The following SYT1 variants were observed in gnomAD, a reference collection of about 807,000 sequenced individuals.
SYT1 encodes the protein synaptotagmin 1.
Under a neutral mutation model 44.8 loss-of-function variants are expected in SYT1, and 8 were observed. The ratio of observed to expected loss-of-function variants is 0.18; its 90% CI spans 0.10 to 0.32. The LOEUF is 0.32. Among genes scored for constraint, SYT1 ranks in the 10% least tolerant of loss-of-function variants. The pLI, the probability that SYT1 is intolerant of heterozygous loss-of-function variation, is 1.00. For synonymous variants in SYT1, 154 were observed against 188.8 expected (o/e 0.82, Z 1.51); for missense variants, 286 against 509.3 (o/e 0.56, Z 4.22).
intron 10 of SYT1, among the ~76,000 whole-genome samples, chr12:79,448,425 C>G (rs1337365970): frequency 6.6e-6 from 1 of 152,148 alleles, no homozygotes; most frequent in East Asian, 1.9e-4. Flanking sequence ...TGTCCCCCCA[C>G]CCTTAAAATC....
chr12:79,356,651 C>A (rs1226821443), intron 9 of SYT1, among the ~76,000 whole-genome samples: 1 of 152,134 alleles, frequency 6.6e-6, no homozygotes, highest in Admixed American at 6.5e-5. Context: ...TTAATTGGAA[C>A]CAAAGTGGGT....
At chr12:79,142,982 A>G (rs1869651914) in intron 3 of SYT1, among the ~76,000 whole-genome samples, 1 of 152,220 alleles carries the variant, frequency 6.6e-6, no homozygotes, top group Non-Finnish European at 1.5e-5. Context: ...TTGGCAAGTG[A>G]GAAGCAGACA....
intron 2 of SYT1, among the ~76,000 whole-genome samples, chr12:79,037,553 C>T (rs1873213525): frequency 6.6e-6 from 1 of 151,702 alleles, no homozygotes; most frequent in Non-Finnish European, 1.5e-5. Flanking sequence ...TTTGTTCTGT[C>T]ATAATGAGAG....
intron 6 of SYT1, among the ~76,000 whole-genome samples, chr12:79,294,462 G>A (rs1363376366): frequency 6.6e-6 from 1 of 152,042 alleles, no homozygotes; most frequent in African/African-American, 2.4e-5. Context: ...AAAACTAAAA[G>A]ACAACCCTAA....
intron 4 of SYT1, among the ~76,000 whole-genome samples, chr12:79,277,184 A>T (rs1878784922): frequency 6.6e-6 from 1 of 152,320 alleles, no homozygotes; most frequent in East Asian, 1.9e-4. Flanking sequence ...ACAGTATATA[A>T]TTATCAGGTT....
At chr12:78,883,463 T>C (rs945957079) in intron 1 of SYT1, among the ~76,000 whole-genome samples, 6 of 151,728 alleles carry the variant, frequency 4.0e-5, no homozygotes, top group African/African-American at 1.4e-4. Context: ...TTAGATGTAG[T>C]CAAGTCTTCT....
chr12:79,007,408 A>C (rs926112718), intron 2 of SYT1, among the ~76,000 whole-genome samples: 2 of 152,110 alleles, frequency 1.3e-5, no homozygotes, highest in Non-Finnish European at 2.9e-5. Flanking sequence ...GGGTGAAAAC[A>C]TGCATGTTTT....
At chr12:79,421,344 A>T (rs182186804) in intron 9 of SYT1, among the ~76,000 whole-genome samples, 2 of 152,186 alleles carry the variant, frequency 1.3e-5, no homozygotes, top group East Asian at 3.9e-4. Context: ...GAACTCTTTT[A>T]TATGCTGGTG....
chr12:79,053,371 C>T (rs1268465794), intron 3 of SYT1, among the ~76,000 whole-genome samples: 2 of 151,554 alleles, frequency 1.3e-5, no homozygotes, highest in Admixed American at 6.6e-5. Context: ...GTGGGGGGAG[C>T]AGGGAGGGAT....
chr12:79,003,837 T>G (rs185118802), intron 2 of SYT1, among the ~76,000 whole-genome samples: 31 of 152,136 alleles, frequency 2.0e-4, no homozygotes, highest in Admixed American at 1.8e-3. Flanking sequence ...TATTTTTTTT[T>G]CCATCTGGCA....
At chr12:78,912,293 A>G (rs186962156) in intron 1 of SYT1, among the ~76,000 whole-genome samples, 6 of 152,056 alleles carry the variant, frequency 3.9e-5, no homozygotes, top group African/African-American at 1.2e-4. Context: ...TAGATGATAA[A>G]TAGAAAAAGG....
At chr12:79,304,466 C>A (rs1880296211) in intron 8 of SYT1, among the ~76,000 whole-genome samples, 1 of 152,082 alleles carries the variant, frequency 6.6e-6, no homozygotes, top group South Asian at 2.1e-4. Flanking sequence ...CAAAATCAAC[C>A]TTGTTATTGT....
intron 9 of SYT1, among the ~76,000 whole-genome samples, chr12:79,432,353 C>T (rs985876702): frequency 6.6e-6 from 1 of 151,934 alleles, no homozygotes; most frequent in Non-Finnish European, 1.5e-5. Flanking sequence ...CTAATGCTAT[C>T]CCTCCCCCTG....
chr12:78,879,177 G>A (rs547100489), intron 1 of SYT1, among the ~76,000 whole-genome samples: 41 of 151,846 alleles, frequency 2.7e-4, no homozygotes, highest in African/African-American at 9.2e-4. Context: ...GCAAACACAT[G>A]AGAGTGAATG....
chr12:79,324,091 C>T (rs1230324189), intron 8 of SYT1, among the ~76,000 whole-genome samples: 1 of 151,644 alleles, frequency 6.6e-6, no homozygotes, highest in Admixed American at 6.6e-5. Flanking sequence ...TCTGGGATTA[C>T]AGGTGCACGC....
At chr12:79,072,451 G>C (rs1369180088) in intron 3 of SYT1, among the ~76,000 whole-genome samples, 5 of 151,828 alleles carry the variant, frequency 3.3e-5, no homozygotes, top group African/African-American at 1.2e-4. Context: ...GCATAAATAC[G>C]TACATAAGAT....
At chr12:78,870,183 T>A (rs573028176) in intron 1 of SYT1, among the ~76,000 whole-genome samples, 58 of 152,170 alleles carry the variant, frequency 3.8e-4, no homozygotes, top group Admixed American at 1.2e-3. Context: ...TTGGACAACA[T>A]TTCATCACAG....
chr12:79,144,556 CA>C, intron 3 of SYT1, among the ~76,000 whole-genome samples: 1 of 152,198 alleles, frequency 6.6e-6, no homozygotes, highest in South Asian at 2.1e-4. Context: ...CATTTACAAA[CA>C]AACTGGGCTA....
intron 9 of SYT1, among the ~76,000 whole-genome samples, chr12:79,369,977 G>A: frequency 6.6e-6 from 1 of 152,132 alleles, no homozygotes. Flanking sequence ...TTATTTCTGT[G>A]TGCTATTAAT....
Sources: allele counts gnomAD v4.1 joint callset (sites outside exome capture counted in the v4.1 genomes callset), GRCh38; gene constraint gnomAD v4.1.1; transcripts MANE v1.5; gene names NCBI Gene and HGNC (gene_info 2026-07-23, HGNC 2026-07-21).